Variants in TRAPPC9 observed in about 807,000 individuals in gnomAD.
The protein encoded by TRAPPC9 is trafficking protein particle complex subunit 9.
Under a neutral mutation model 124.0 loss-of-function variants are expected in TRAPPC9, and 83 were observed. The ratio of observed to expected loss-of-function variants is 0.67; its 90% CI spans 0.56 to 0.80. The LOEUF (loss-of-function observed/expected upper bound fraction) is 0.80. TRAPPC9 is among the 30% of genes least tolerant of loss of function. The pLI is 0.00. For missense variants in TRAPPC9, 1,302 were observed against 1,508.3 expected (o/e 0.86, Z 2.27); for synonymous variants, 638 against 617.5 (o/e 1.03, Z -0.49).
intron 20 of TRAPPC9, among the ~76,000 whole-genome samples, chr8:139,888,519 G>A (rs1228310583): frequency 6.6e-6 from 1 of 151,940 alleles, no homozygotes; most frequent in East Asian, 1.9e-4. Context: ...CCTCTCTCCT[G>A]TTCCTCCTCC....
At chr8:139,903,293 C>A (rs1480832173) in intron 20 of TRAPPC9, among the ~76,000 whole-genome samples, 1 of 152,152 alleles carries the variant, frequency 6.6e-6, no homozygotes, top group African/African-American at 2.4e-5. Flanking sequence ...CTCAAAGCAG[C>A]CAAATTGGTT....
At chr8:139,898,332 C>T (rs1830796467) in intron 20 of TRAPPC9, among the ~76,000 whole-genome samples, 1 of 152,232 alleles carries the variant, frequency 6.6e-6, no homozygotes, top group South Asian at 2.1e-4. Context: ...GGTAAGCATC[C>T]TGAGGACAAG....
At chr8:140,131,150 T>C (rs1229998496) in intron 17 of TRAPPC9, among the ~76,000 whole-genome samples, 1 of 152,198 alleles carries the variant, frequency 6.6e-6, no homozygotes, top group Non-Finnish European at 1.5e-5. Context: ...ATTTAGATTG[T>C]TTCCAATTTC....
At chr8:139,977,289 G>A (rs534498400) in intron 19 of TRAPPC9, among the ~76,000 whole-genome samples, 118 of 152,028 alleles carry the variant, frequency 7.8e-4, no homozygotes, top group African/African-American at 2.6e-3. Flanking sequence ...AGTATCTGCC[G>A]ATGGAGATTC....
intron 21 of TRAPPC9, among the ~76,000 whole-genome samples, chr8:139,823,498 A>T (rs962876249): frequency 1.1e-4 from 17 of 152,138 alleles, no homozygotes; most frequent in African/African-American, 3.9e-4. Flanking sequence ...AGGACTTCAG[A>T]TGTCTCCTGC....
intron 1 of TRAPPC9, among the ~76,000 whole-genome samples, chr8:140,457,128 C>G (rs1240447694): frequency 6.6e-6 from 1 of 152,222 alleles, no homozygotes; most frequent in Non-Finnish European, 1.5e-5. Flanking sequence ...TCCGGGAACT[C>G]AGGGCGGGGA....
At chr8:140,268,414 G>C (rs1259672857) in intron 15 of TRAPPC9, among the ~76,000 whole-genome samples, 6 of 152,184 alleles carry the variant, frequency 3.9e-5, no homozygotes, top group Admixed American at 3.9e-4. Context: ...GAAACAGATG[G>C]TTTGTTTTCA....
intron 13 of TRAPPC9, among the ~76,000 whole-genome samples, chr8:140,286,670 C>T (rs531269973): frequency 3.9e-5 from 6 of 152,066 alleles, no homozygotes; most frequent in East Asian, 1.9e-4. Context: ...GGAGGCTTGA[C>T]GGGGGCAGGG....
rs79735909 is a variant in TRAPPC9, at chr8:139,816,275, G to A, written c.3055+69604C>T. ...GAGCAAGGTTCAGAGGAAAGCCAAG[G>A]GCAAGGGGATAGTGGGTACCTTCCG... On this transcript the variant is annotated intron_variant, in intron 21 of 22. Coordinates refer to ENST00000438773, the MANE Select transcript of TRAPPC9 (RefSeq NM_001160372.4). Among the ~76,000 whole-genome samples the A allele has an allele frequency of 5.3e-4, 80 of 152,346 alleles. No homozygotes were observed. In the East Asian group the frequency reaches 0.013, roughly 25 times the overall value.
At chr8:139,949,607 C>T (rs776067789) in intron 19 of TRAPPC9, among the ~76,000 whole-genome samples, 2 of 152,100 alleles carry the variant, frequency 1.3e-5, no homozygotes, top group Non-Finnish European at 2.9e-5. Flanking sequence ...ATGAATAGAC[C>T]CTGATTACAT....
rs185187128 is a variant in TRAPPC9 at position 140,278,993 on chromosome 8, C to T, written c.2115-3172G>A. Among the ~76,000 whole-genome samples the T allele has an allele frequency of 3.2e-3, 494 of 152,330 alleles. 3 individuals carry two copies. The highest frequency in any genetic ancestry group is 0.011 in the African/African-American group (478 of 41,576). ...CTGACCCACTGTGTTTTCATCACAGCGCTGAATTCTCCTGCGCCATGGTCT... is the reference window on the plus strand; with the variant it reads ...CTGACCCACTGTGTTTTCATCACAGTGCTGAATTCTCCTGCGCCATGGTCT... On this transcript the variant is annotated intron_variant, in intron 14 of 22. Transcript: ENST00000438773.
intron 20 of TRAPPC9, among the ~76,000 whole-genome samples, chr8:139,901,002 A>T (rs569042674): frequency 3.0e-4 from 37 of 124,502 alleles, no homozygotes; most frequent in African/African-American, 8.1e-4. Context: ...ATAAATAAAT[A>T]AAATAAATAA....
intron 19 of TRAPPC9, among the ~76,000 whole-genome samples, chr8:139,981,961 T>A (rs2131670216): frequency 6.6e-6 from 1 of 152,322 alleles, no homozygotes; most frequent in African/African-American, 2.4e-5. Flanking sequence ...GCGGTGTCCC[T>A]GCAGCAAGCG....
chr8:140,435,962 G>A (rs1313462831), intron 3 of TRAPPC9, among the ~76,000 whole-genome samples: 2 of 152,168 alleles, frequency 1.3e-5, no homozygotes, highest in Non-Finnish European at 2.9e-5. Flanking sequence ...ATCACAAAGA[G>A]CTTTTTTTGT....
intron 20 of TRAPPC9, among the ~76,000 whole-genome samples, chr8:139,892,095 G>C (rs1355362380): frequency 5.3e-5 from 8 of 152,176 alleles, no homozygotes; most frequent in Admixed American, 5.2e-4. Context: ...CCCATACATG[G>C]GCCGCCACAA....
At chr8:139,808,267 T>C (rs1055267344) in intron 21 of TRAPPC9, among the ~76,000 whole-genome samples, 2 of 152,158 alleles carry the variant, frequency 1.3e-5, no homozygotes, top group African/African-American at 4.8e-5. Flanking sequence ...GAGACCAGCC[T>C]GACCAACATG....
intron 21 of TRAPPC9, among the ~76,000 whole-genome samples, chr8:139,768,324 G>T (rs902937788): frequency 1.6e-4 from 25 of 152,232 alleles, no homozygotes; most frequent in African/African-American, 5.1e-4. Context: ...AGCCACAGCA[G>T]TGAATATGAC....
chr8:139,786,225 A>G (rs2130564008), intron 21 of TRAPPC9, among the ~76,000 whole-genome samples: 1 of 152,262 alleles, frequency 6.6e-6, no homozygotes, highest in Middle Eastern at 3.4e-3. Context: ...CAAACAAATA[A>G]ACCCAGTAAA....
chr8:140,003,517 G>A (rs1050948310), intron 18 of TRAPPC9, among the ~76,000 whole-genome samples: 2 of 150,398 alleles, frequency 1.3e-5, no homozygotes, highest in African/African-American at 4.9e-5. Flanking sequence ...CAGGAGAATC[G>A]CTTGAACCTG....
Sources: gnomAD v4.1 joint callset for allele counts (sites outside exome capture counted in the v4.1 genomes callset) on GRCh38, gnomAD v4.1.1 for gene constraint, MANE v1.5 for transcripts, NCBI Gene and HGNC (gene_info 2026-07-23, HGNC 2026-07-21) for gene names.